Variants in CNTNAP5 observed in about 807,000 individuals in gnomAD.
CNTNAP5 encodes contactin associated protein family member 5, also known as contactin-associated protein-like 5.
In CNTNAP5, 72 loss-of-function variants were observed where a neutral mutation model predicts 150.2. The observed-to-expected ratio is 0.48, with a 90% CI of 0.40 to 0.58. The LOEUF (loss-of-function observed/expected upper bound fraction) is 0.58, where lower values mean the gene tolerates loss of function less well. Ranked by LOEUF, CNTNAP5 falls within the 20% of genes least tolerant of loss-of-function variation. CNTNAP5 has a pLI of 0.00. For synonymous variants in CNTNAP5, 672 were observed against 619.8 expected (o/e 1.08, Z -1.25); for missense variants, 1,636 against 1,626.2 (o/e 1.01, Z -0.10).
At chr2:124,248,848 G>A (rs1163642929) in intron 3 of CNTNAP5, among the ~76,000 whole-genome samples, 1 of 152,164 alleles carries the variant, frequency 6.6e-6, no homozygotes, top group African/African-American at 2.4e-5. Flanking sequence ...CAAACTGGTT[G>A]CATGTGTAGT....
intron 12 of CNTNAP5, among the ~76,000 whole-genome samples, chr2:124,631,568 C>A (rs1361047897): frequency 6.6e-6 from 1 of 152,020 alleles, no homozygotes; most frequent in African/African-American, 2.4e-5. Flanking sequence ...ATACAAAAAT[C>A]AACTCAAGAT....
At chr2:124,248,650 G>A (rs1160856545) in intron 3 of CNTNAP5, among the ~76,000 whole-genome samples, 1 of 152,152 alleles carries the variant, frequency 6.6e-6, no homozygotes. Context: ...CTTAACACTA[G>A]AATTTGCTGA....
intron 13 of CNTNAP5, among the ~76,000 whole-genome samples, chr2:124,737,229 T>G (rs1318433600): frequency 6.6e-6 from 1 of 150,382 alleles, no homozygotes; most frequent in African/African-American, 2.5e-5. Context: ...AGGCGGAGGT[T>G]GCAGTGAGCT....
intron 3 of CNTNAP5, among the ~76,000 whole-genome samples, chr2:124,372,106 G>A (rs1008898004): frequency 3.3e-5 from 5 of 151,924 alleles, no homozygotes; most frequent in Non-Finnish European, 5.9e-5. Flanking sequence ...TAGAAGAAGG[G>A]GGATATTCAG....
intron 11 of CNTNAP5, among the ~76,000 whole-genome samples, chr2:124,602,844 A>G (rs1221166062): frequency 1.3e-5 from 2 of 152,164 alleles, no homozygotes; most frequent in Non-Finnish European, 2.9e-5. Flanking sequence ...CTACAACTAC[A>G]GTATTCATAG....
At chr2:124,669,601 C>T (rs756637472) in intron 13 of CNTNAP5, among the ~76,000 whole-genome samples, 6 of 152,204 alleles carry the variant, frequency 3.9e-5, no homozygotes, top group Admixed American at 1.3e-4. Context: ...TTTCTGAATA[C>T]AAGATGCATA....
chr2:124,914,045 T>A, intron 23 of CNTNAP5, 47 bp from the exon 24 acceptor site: 4 of 1,424,502 alleles, frequency 2.8e-6, no homozygotes, highest in Non-Finnish European at 3.9e-6. Flanking sequence ...CCTGAGCAGA[T>A]GACTCATGAC....
chr2:124,638,234 T>TATATGATACATATATATGATACATAG (rs1678014063), intron 12 of CNTNAP5, among the ~76,000 whole-genome samples: 1 of 150,576 alleles, frequency 6.6e-6, no homozygotes, highest in Non-Finnish European at 1.5e-5. Flanking sequence ...ATGATACATA[T>TATATGATACATATATATGATACATAG]ATATGTAACT....
At chr2:124,807,603 C>G (rs1443736238) in intron 19 of CNTNAP5, among the ~76,000 whole-genome samples, 35 of 152,164 alleles carry the variant, frequency 2.3e-4, no homozygotes, top group Admixed American at 2.3e-3. Context: ...CAAGAAGACA[C>G]AGCAAGGGAT....
At chr2:124,774,552 A>G (rs1681279101) in intron 17 of CNTNAP5, among the ~76,000 whole-genome samples, 2 of 152,212 alleles carry the variant, frequency 1.3e-5, no homozygotes, top group African/African-American at 4.8e-5. Context: ...ATGATTCACT[A>G]TTAAAATATT....
chr2:124,538,862 A>G (rs574554555), intron 10 of CNTNAP5, among the ~76,000 whole-genome samples: 5 of 152,310 alleles, frequency 3.3e-5, no homozygotes, highest in African/African-American at 9.6e-5. Context: ...ATTCCTTTAC[A>G]TGATCGATAT....
intron 13 of CNTNAP5, among the ~76,000 whole-genome samples, chr2:124,704,838 C>G (rs933876844): frequency 6.6e-6 from 1 of 152,060 alleles, no homozygotes; most frequent in Non-Finnish European, 1.5e-5. Context: ...CTCAGCTTAG[C>G]ATCTTTGTGC....
chr2:124,655,221 A>G (rs4848961), intron 13 of CNTNAP5, among the ~76,000 whole-genome samples: 2 of 151,750 alleles, frequency 1.3e-5, no homozygotes, highest in Non-Finnish European at 2.9e-5. Context: ...TTCAATTCCC[A>G]CTTATGAGTG....
At chr2:124,123,876 G>A (rs1005352492) in intron 1 of CNTNAP5, among the ~76,000 whole-genome samples, 1 of 152,112 alleles carries the variant, frequency 6.6e-6, no homozygotes, top group Non-Finnish European at 1.5e-5. Flanking sequence ...CAAACAGAAA[G>A]GACATCCACA....
At chr2:124,798,406 A>G (rs1681894763) in intron 19 of CNTNAP5, 86 bp downstream of exon 19, 4 of 967,242 alleles carry the variant, frequency 4.1e-6, no homozygotes, top group African/African-American at 3.2e-5. Flanking sequence ...CATAATTTCA[A>G]CCTCAAGTTG....
chr2:124,202,870 C>T (rs968156903), intron 1 of CNTNAP5, among the ~76,000 whole-genome samples: 3 of 152,108 alleles, frequency 2.0e-5, no homozygotes, highest in Non-Finnish European at 2.9e-5. Context: ...AGCTACAATT[C>T]AAGACGAAAT....
intron 1 of CNTNAP5, among the ~76,000 whole-genome samples, chr2:124,065,001 GATTA>G (rs2104657602): frequency 6.6e-6 from 1 of 152,200 alleles, no homozygotes; most frequent in South Asian, 2.1e-4. Context: ...TTATTTGTTG[GATTA>G]ATTCTTTTTA....
intron 1 of CNTNAP5, among the ~76,000 whole-genome samples, chr2:124,046,491 A>G (rs1192778327): frequency 1.3e-5 from 2 of 151,000 alleles, no homozygotes; most frequent in East Asian, 3.9e-4. Flanking sequence ...CAAGGCTCTG[A>G]ATAGCCACCT....
intron 8 of CNTNAP5, among the ~76,000 whole-genome samples, chr2:124,520,892 T>A (rs761777574): frequency 6.6e-6 from 1 of 152,220 alleles, no homozygotes; most frequent in Non-Finnish European, 1.5e-5. Context: ...CACTTCCACT[T>A]TTACCTTTAA....
Sources: allele counts gnomAD v4.1 joint callset (sites outside exome capture counted in the v4.1 genomes callset), GRCh38; gene constraint gnomAD v4.1.1; transcripts MANE v1.5; gene names NCBI Gene and HGNC (gene_info 2026-07-23, HGNC 2026-07-21).